RPS6KA3: variants seen among roughly 807,000 people sequenced by gnomAD.
RPS6KA3 encodes ribosomal protein S6 kinase A3.
RPS6KA3 carries 4 observed loss-of-function variants against 67.2 expected under a neutral mutation model. The ratio of observed to expected loss-of-function variants is 0.06; its 90% confidence interval spans 0.03 to 0.14. The LOEUF (loss-of-function observed/expected upper bound fraction) is 0.14. Among genes scored for constraint, RPS6KA3 ranks in the 10% least tolerant of loss-of-function variants. The pLI is 1.00. For synonymous variants in RPS6KA3, 182 were observed against 183.7 expected, an observed-to-expected ratio of 0.99 and a Z score of 0.07; for missense variants, 204 against 559.0, an observed-to-expected ratio of 0.36 and a Z score of 6.40.
At chrX:20,252,749 TAAC>T (rs1448430393) in intron 1 of RPS6KA3, among the ~76,000 whole-genome samples, 1 of 110,910 alleles carries the variant, frequency 9.0e-6, no homozygotes, top group Admixed American at 9.6e-5. Flanking sequence ...AGGACCCAGC[TAAC>T]AACAGGGGAG....
chrX:20,176,834 C>T (rs894108579), intron 11 of RPS6KA3, among the ~76,000 whole-genome samples, 162 bp downstream of exon 11: 3 of 111,787 alleles, frequency 2.7e-5, no homozygotes, highest in African/African-American at 9.8e-5. Context: ...TCAAGTAATT[C>T]TCCCGCCTTG....
chrX:20,229,661 A>G (rs978417924), intron 2 of RPS6KA3, among the ~76,000 whole-genome samples: 1 of 112,651 alleles, frequency 8.9e-6, no homozygotes, highest in African/African-American at 3.2e-5. Context: ...ACAAAAGGAA[A>G]ACTTTTAATT....
At chrX:20,230,433 A>T (rs1241398332) in intron 2 of RPS6KA3, among the ~76,000 whole-genome samples, 3 of 112,155 alleles carry the variant, frequency 2.7e-5, no homozygotes, top group Non-Finnish European at 5.6e-5. Context: ...AATGACATCT[A>T]AACAGATCTG....
At chrX:20,197,985 A>G (rs1447668773) in intron 4 of RPS6KA3, among the ~76,000 whole-genome samples, 2 of 112,135 alleles carry the variant, frequency 1.8e-5, no homozygotes, top group Middle Eastern at 4.6e-3. Flanking sequence ...TGCATTAAGA[A>G]ACCTTTTTAA....
intron 1 of RPS6KA3, among the ~76,000 whole-genome samples, chrX:20,256,606 A>T (rs1405953189): frequency 8.9e-6 from 1 of 112,026 alleles, no homozygotes; most frequent in African/African-American, 3.2e-5. Context: ...ATCTTCCCAT[A>T]CAATGCCATA....
intron 1 of RPS6KA3, among the ~76,000 whole-genome samples, chrX:20,254,414 T>C (rs1169799723): frequency 8.9e-6 from 1 of 112,266 alleles, no homozygotes; most frequent in Non-Finnish European, 1.9e-5. Flanking sequence ...ATTTAATTCT[T>C]TGTTGTGTTC....
At chrX:20,157,873 C>T (rs747473750) in intron 20 of RPS6KA3, among the ~76,000 whole-genome samples, 171 of 111,265 alleles carry the variant, frequency 1.5e-3, no homozygotes, top group Admixed American at 3.9e-3. Context: ...CATAAATTTA[C>T]CGTGAAGGAG....
chrX:20,188,851 C>G (rs1274926217), intron 7 of RPS6KA3, among the ~76,000 whole-genome samples: 1 of 112,673 alleles, frequency 8.9e-6, no homozygotes, highest in Non-Finnish European at 1.9e-5. Context: ...TTGACTAAAC[C>G]CCCTAGTGCC....
chrX:20,208,622 G>A (rs985176748), intron 3 of RPS6KA3, among the ~76,000 whole-genome samples: 1 of 110,835 alleles, frequency 9.0e-6, no homozygotes, highest in African/African-American at 3.3e-5. Context: ...GGAGGCTGAG[G>A]CTGGAGAATT....
intron 7 of RPS6KA3, among the ~76,000 whole-genome samples, chrX:20,192,265 C>A (rs752047500): frequency 6.3e-5 from 7 of 111,038 alleles, no homozygotes; most frequent in African/African-American, 2.0e-4. Flanking sequence ...ACTATCAAAC[C>A]TGTGGGAAAT....
At position 20,218,709 on chromosome X, in the gene RPS6KA3, G is replaced by C. The variant is rs971400800; in HGVS notation, c.127-9305C>G. The C allele has an allele frequency of 4.7e-6, 3 of 635,242 alleles. No homozygotes were observed. The African/African-American group carries it at 6.8e-5, about 14-fold the overall frequency. The allele number at this position is 635,242 out of a possible 1,213,427, so 52.4% of individuals were successfully genotyped here. ...TTGAATTTTGAAAAGCTGCTTTAAA[G>C]AACATATAAAACGAAATAACTAATT... On this transcript the variant is annotated intron_variant, in intron 2 of 21. Coordinates refer to ENST00000379565, the MANE Select transcript of RPS6KA3 (RefSeq NM_004586.3).
chrX:20,256,172 C>CAAAAAAAAAAAAAA (rs35947983), intron 1 of RPS6KA3, among the ~76,000 whole-genome samples: 21 of 14,449 alleles, frequency 1.5e-3, no homozygotes, highest in African/African-American at 3.5e-3. Flanking sequence ...GACACCGTCT[C>CAAAAAAAAAAAAAA]AAAAAAAAAA....
At chrX:20,208,299 A>T (rs1287822384) in intron 3 of RPS6KA3, among the ~76,000 whole-genome samples, 1 of 110,951 alleles carries the variant, frequency 9.0e-6, no homozygotes, top group Non-Finnish European at 1.9e-5. Flanking sequence ...TGGTCTAAAC[A>T]GATCAAGCAG....
chrX:20,206,921 G>C (rs922877983), intron 3 of RPS6KA3, among the ~76,000 whole-genome samples: 1 of 111,973 alleles, frequency 8.9e-6, no homozygotes, highest in African/African-American at 3.2e-5. Flanking sequence ...AATGTGACCA[G>C]AACACAGAGA....
intron 17 of RPS6KA3, among the ~76,000 whole-genome samples, 172 bp from the exon 18 acceptor site, chrX:20,165,232 C>T (rs1311645686): frequency 9.0e-6 from 1 of 111,652 alleles, no homozygotes; most frequent in Non-Finnish European, 1.9e-5. Context: ...CTAACATAGA[C>T]CGGGGGCAAG....
intron 3 of RPS6KA3, among the ~76,000 whole-genome samples, chrX:20,207,947 A>C (rs1430530156): frequency 8.9e-6 from 1 of 112,234 alleles, no homozygotes; most frequent in East Asian, 2.8e-4. Context: ...AGAAGTGGTA[A>C]GGAATCACTG....
chrX:20,189,666 A>G (rs979767886), intron 7 of RPS6KA3, among the ~76,000 whole-genome samples: 2 of 112,407 alleles, frequency 1.8e-5, no homozygotes, highest in African/African-American at 6.5e-5. Flanking sequence ...CTTTTGCACC[A>G]ACCTAATATT....
chrX:20,172,711 C>T, intron 15 of RPS6KA3, 35 bp downstream of exon 15: 1 of 1,128,725 alleles, frequency 8.9e-7, no homozygotes, highest in Non-Finnish European at 1.2e-6. Flanking sequence ...TGAACAAGAA[C>T]TGTATGAATT....
chrX:20,219,388 A>G (rs886220348), intron 2 of RPS6KA3, among the ~76,000 whole-genome samples: 1 of 111,898 alleles, frequency 8.9e-6, no homozygotes, highest in Non-Finnish European at 1.9e-5. Flanking sequence ...TTCCCTGTCA[A>G]TGAGGAAGAG....
Sources: allele counts gnomAD v4.1 joint callset (sites outside exome capture counted in the v4.1 genomes callset), GRCh38; gene constraint gnomAD v4.1.1; transcripts MANE v1.5; gene names NCBI Gene and HGNC (gene_info 2026-07-23, HGNC 2026-07-21).